RPE: variants seen among roughly 807,000 people sequenced by gnomAD.
RPE encodes the protein ribulose-phosphate 3-epimerase.
In RPE, 16 loss-of-function variants were observed where a neutral mutation model predicts 24.6. The observed-to-expected ratio is 0.65, with a 90% CI of 0.44 to 0.99. The LOEUF is 0.99. Among genes scored for constraint, RPE ranks in the 50% least tolerant of loss-of-function variants. RPE has a pLI of 0.00. For synonymous variants in RPE, 93 were observed against 98.4 expected (o/e 0.94, Z 0.33); for missense variants, 240 against 294.5 (o/e 0.81, Z 1.35).
intron 3 of RPE, 118 bp downstream of exon 3, chr2:210,016,230 G>A (rs374182314): frequency 2.0e-5 from 32 of 1,613,936 alleles, no homozygotes; most frequent in Non-Finnish European, 2.5e-5. Flanking sequence ...AGGCTGAAGT[G>A]CAGTGGCACA....
At chr2:210,008,416 C>T (rs2093659051) in intron 1 of RPE, among the ~76,000 whole-genome samples, 1 of 151,518 alleles carries the variant, frequency 6.6e-6, no homozygotes, top group South Asian at 2.1e-4. Flanking sequence ...CTGCCTCAGC[C>T]TCCTGAGTAT....
chr2:210,010,414 T>C (rs1244422617), intron 2 of RPE, among the ~76,000 whole-genome samples: 1 of 152,176 alleles, frequency 6.6e-6, no homozygotes, highest in Non-Finnish European at 1.5e-5. Flanking sequence ...TTTTTATAAA[T>C]AGTGTTATTT....
chr2:210,009,303 G>C (rs1192517764), intron 1 of RPE, among the ~76,000 whole-genome samples: 5 of 152,188 alleles, frequency 3.3e-5, no homozygotes, highest in African/African-American at 1.2e-4. Context: ...CTAGGATTCA[G>C]GAGATCAATA....
At chr2:210,011,643 T>G (rs909584758) in intron 2 of RPE, among the ~76,000 whole-genome samples, 2 of 152,174 alleles carry the variant, frequency 1.3e-5, no homozygotes, top group African/African-American at 4.8e-5. Flanking sequence ...TTTGTGACCC[T>G]TGTTTTTTGG....
intron 1 of RPE, chr2:210,003,510 G>T (rs1041227137): frequency 8.3e-7 from 1 of 1,211,140 alleles, no homozygotes. Context: ...ACATAATATT[G>T]TTTGGAGTCA....
At chr2:210,013,819 A>G (rs1210088450) in intron 2 of RPE, among the ~76,000 whole-genome samples, 1 of 151,980 alleles carries the variant, frequency 6.6e-6, no homozygotes, top group Non-Finnish European at 1.5e-5. Flanking sequence ...TTTTTAATGT[A>G]ACTTAGAATT....
chr2:210,002,807 G>C (rs574109533), intron 1 of RPE, 24 bp downstream of exon 1: 104 of 1,614,138 alleles, frequency 6.4e-5, no homozygotes, highest in Admixed American at 5.5e-4. Context: ...GCTCCGGTCG[G>C]GCTTGCCGCG....
chr2:210,008,596 GT>G (rs67610119), intron 1 of RPE, among the ~76,000 whole-genome samples: 142,053 of 151,880 alleles, frequency 0.94, 67,185 homozygotes, highest in East Asian at 1. Flanking sequence ...CCCGGCCCCG[GT>G]TTTGTTAAAG....
At chr2:210,014,310 C>T (rs1163987870) in intron 2 of RPE, among the ~76,000 whole-genome samples, 9 of 151,622 alleles carry the variant, frequency 5.9e-5, no homozygotes, top group Admixed American at 3.3e-4. Context: ...AGGATGGTCT[C>T]GATCTCCTGA....
In RPE at chr2:210,016,624, G is replaced by C. The variant is rs757766076; in HGVS notation, c.460G>C (p.Glu154Gln). ...EPGFGGQKFMEDMMPKVHWLR... is the reference protein window; with the variant it reads ...EPGFGGQKFMQDMMPKVHWLR... ...GGGGTTTGGAGGGCAGAAATTCATG[G>C]AAGATATGATGCCAAAGGTAAAAGA... The change falls in exon 4 of 6, where the codon GAA (glutamate) becomes CAA (glutamine). Residue 154 changes from glutamate (E) to glutamine (Q), a missense_variant. Transcript: ENST00000359429. The C allele has an allele frequency of 1.9e-6, 3 of 1,614,102 alleles. No homozygotes were observed. Among genetic ancestry groups the C allele is most frequent in the Non-Finnish European group, 2.5e-6 (3 of 1,180,048 alleles).
chr2:210,015,838 G>A (rs2093763699), intron 2 of RPE, 135 bp from the exon 3 acceptor site: 5 of 808,920 alleles, frequency 6.2e-6, no homozygotes, highest in Middle Eastern at 3.6e-4. Flanking sequence ...TACTGAATTA[G>A]AACTATTTAA....
rs2093588547 is a variant in RPE, at chr2:210,003,365, T to C, written c.122+582T>C. The C allele has an allele frequency of 1.4e-5, 12 of 846,776 alleles. No individual in the cohort carries two copies. The South Asian group carries it at 1.7e-4, about 12-fold the overall frequency. The allele number at this position is 846,776 out of a possible 1,614,324, so 52.5% of individuals were successfully genotyped here. Reference sequence around the variant, plus strand: ...CATGAGAAGTTTACAGTGCCTGGCGTATATTAAGTTCTCTATAATTGTTAA... The same window carrying C: ...CATGAGAAGTTTACAGTGCCTGGCGCATATTAAGTTCTCTATAATTGTTAA... On this transcript the variant is annotated intron_variant, in intron 1 of 5. Coordinates refer to ENST00000359429, the MANE Select transcript of RPE (RefSeq NM_199229.3).
Position 210,016,120 on chromosome 2 carries a change from A to G in RPE, c.342+8A>G. On this transcript the variant is annotated splice_region_variant and intron_variant, in intron 3 of 5. Transcript: ENST00000359429. ...CGGGAGAATGGGATGAAGGTAAGAA[A>G]TCGTGATGAGAGTGTTTTGTAACAT... 1 of 1,614,200 alleles carries G rather than the reference A, an allele frequency of 6.2e-7. No individual in the cohort carries two copies. The highest frequency in any genetic ancestry group is 8.5e-7 in the Non-Finnish European group (1 of 1,180,038).
At chr2:210,005,627 TG>T (rs935804682) in intron 1 of RPE, among the ~76,000 whole-genome samples, 1 of 151,358 alleles carries the variant, frequency 6.6e-6, no homozygotes, top group African/African-American at 2.4e-5. Context: ...TTCTGACTTT[TG>T]GGGGAAAAAA....
intron 4 of RPE, 78 bp downstream of exon 4, chr2:210,016,719 A>G: frequency 1.3e-6 from 2 of 1,596,016 alleles, no homozygotes; most frequent in Non-Finnish European, 1.7e-6. Context: ...AGGCTTGTAT[A>G]TTTAGGCATA....
rs1465533266 is a variant in RPE at position 210,021,230 on chromosome 2, CT to C, written c.*1441del. On this transcript the variant is annotated 3_prime_UTR_variant, in exon 6 of 6. Coordinates refer to ENST00000359429, the MANE Select transcript of RPE (RefSeq NM_199229.3). ...AATAAACATGACCAATATCAATAGA[CT>C]TCTTGAGGCTACTATAAGTTTTGAG... 3 of 152,062 alleles carry C rather than the reference CT, an allele frequency of 2.0e-5. No homozygotes were observed. The highest frequency in any genetic ancestry group is 2.0e-4 in the Admixed American group (3 of 15,258). The allele number at this position is 152,062 out of a possible 1,614,324, so 9.4% of individuals were successfully genotyped here. A position where few individuals can be genotyped will look rare whatever the true frequency, so the allele number is the denominator to read the frequency against.
intron 1 of RPE, 21 bp from the exon 2 acceptor site, chr2:210,009,636 T>C: frequency 5.6e-6 from 9 of 1,613,888 alleles, no homozygotes; most frequent in Non-Finnish European, 7.6e-6. Flanking sequence ...ATTTTCAGAG[T>C]AGATTTTGTT....
At chr2:210,011,740 T>C (rs1164802962) in intron 2 of RPE, among the ~76,000 whole-genome samples, 1 of 151,862 alleles carries the variant, frequency 6.6e-6, no homozygotes, top group Non-Finnish European at 1.5e-5. Context: ...GGTACAGTCA[T>C]AGCTCACTGC....
At chr2:210,010,182 G>A (rs1228680884) in intron 2 of RPE, among the ~76,000 whole-genome samples, 2 of 152,198 alleles carry the variant, frequency 1.3e-5, no homozygotes, top group Non-Finnish European at 2.9e-5. Context: ...AGGGCTCAGT[G>A]TAATTGTTAA....
Sources: gnomAD v4.1 joint callset for allele counts (sites outside exome capture counted in the v4.1 genomes callset) on GRCh38, gnomAD v4.1.1 for gene constraint, MANE v1.5 for transcripts, NCBI Gene and HGNC (gene_info 2026-07-23, HGNC 2026-07-21) for gene names.